The following DARS2 variants were observed in gnomAD, a reference collection of about 807,000 sequenced individuals.
The protein encoded by DARS2 is aspartyl-tRNA synthetase 2, mitochondrial, also known as aspartate--tRNA ligase, mitochondrial.
In DARS2, 63 loss-of-function variants were observed where a neutral mutation model predicts 83.0. That is an observed-to-expected ratio of 0.76 (90% CI 0.62 to 0.94). The LOEUF (loss-of-function observed/expected upper bound fraction) is 0.94, where lower values mean the gene tolerates loss of function less well. Among genes scored for constraint, DARS2 ranks in the 40% least tolerant of loss-of-function variants. The probability of loss-of-function intolerance (pLI) is 0.00; values close to 1 mark genes in which losing one functional copy is unlikely to be tolerated. For synonymous variants in DARS2, 250 were observed against 269.3 expected, an observed-to-expected ratio of 0.93 and a Z score of 0.70; for missense variants, 675 against 774.4, an observed-to-expected ratio of 0.87 and a Z score of 1.52.
intron 11 of DARS2, 69 bp downstream of exon 11, chr1:173,841,042 A>G (rs577844078): frequency 1.0e-6 from 1 of 956,542 alleles, no homozygotes; most frequent in Non-Finnish European, 1.7e-6. Flanking sequence ...CAATACTGTC[A>G]TATTTAAACT....
At chr1:173,846,410 C>CTTG (rs1325647884) in intron 12 of DARS2, among the ~76,000 whole-genome samples, 1 of 151,990 alleles carries the variant, frequency 6.6e-6, no homozygotes, top group African/African-American at 2.4e-5. Flanking sequence ...AGGAGAATCA[C>CTTG]AAGCCCAGGA....
chr1:173,829,036 A>G (rs1446454176), intron 3 of DARS2, among the ~76,000 whole-genome samples: 2 of 152,226 alleles, frequency 1.3e-5, no homozygotes, highest in African/African-American at 4.8e-5. Context: ...CAGCCGTACA[A>G]AAAAGAATGA....
chr1:173,832,670 G>T (rs1652836127), intron 5 of DARS2, among the ~76,000 whole-genome samples: 1 of 151,410 alleles, frequency 6.6e-6, no homozygotes, highest in South Asian at 2.1e-4. Flanking sequence ...TCGGGAGGCT[G>T]AGGCAGGAGA....
chr1:173,843,017 T>C (rs954154954), intron 11 of DARS2, among the ~76,000 whole-genome samples: 1 of 152,064 alleles, frequency 6.6e-6, no homozygotes, highest in Non-Finnish European at 1.5e-5. Context: ...AAGCTCAGTA[T>C]GATATTTTGC....
chr1:173,846,466 T>G (rs539999388), intron 12 of DARS2, among the ~76,000 whole-genome samples: 10 of 152,070 alleles, frequency 6.6e-5, no homozygotes, highest in Admixed American at 6.6e-4. Context: ...CATTCTTGCC[T>G]GGGTGACAGA....
rs1653169131 is a variant in DARS2, at chr1:173,840,686, G to A, written c.1021-180G>A. Among the ~76,000 whole-genome samples, 3 of 152,190 alleles carry A rather than the reference G, an allele frequency of 2.0e-5. No individual in the cohort carries two copies. In the South Asian group the frequency reaches 6.2e-4, roughly 31 times the overall value. On this transcript the variant is annotated intron_variant, in intron 10 of 16. Coordinates refer to ENST00000649689, the MANE Select transcript of DARS2 (RefSeq NM_018122.5). ...AAAGAGTGCTAACCTCATATGAAATGAATGAGTATATGTAAAACACTGGTC... is the reference window on the plus strand; with the variant it reads ...AAAGAGTGCTAACCTCATATGAAATAAATGAGTATATGTAAAACACTGGTC...
In DARS2 at chr1:173,825,227, A is replaced by G; in HGVS notation, c.-3A>G. 3 of 1,611,886 alleles carry G rather than the reference A, an allele frequency of 1.9e-6. No homozygotes were observed. The highest frequency in any genetic ancestry group is 2.5e-6 in the Non-Finnish European group (3 of 1,178,634). ...TTGTTTTTCGCCATCGTGTGGCTCCAACATGTACTTCCCTTCTTGGTTAAG... is the reference window on the plus strand; with the variant it reads ...TTGTTTTTCGCCATCGTGTGGCTCCGACATGTACTTCCCTTCTTGGTTAAG... On this transcript the variant is annotated 5_prime_UTR_variant, in exon 1 of 17. Transcript: ENST00000649689.
At chr1:173,826,840 T>G (rs1652602553) in intron 2 of DARS2, 54 bp downstream of exon 2, 1 of 1,277,738 alleles carries the variant, frequency 7.8e-7, no homozygotes. Context: ...CCCAGGGCAA[T>G]TCCAAACCTT....
At chr1:173,856,255 T>C (rs935092452) in intron 15 of DARS2, among the ~76,000 whole-genome samples, 1 of 152,218 alleles carries the variant, frequency 6.6e-6, no homozygotes, top group Non-Finnish European at 1.5e-5. Context: ...TGGCCTGTTC[T>C]TGGCCCTTAA....
At chr1:173,828,421 TTATC>T in intron 3 of DARS2, 22 bp downstream of exon 3, 1 of 1,607,096 alleles carries the variant, frequency 6.2e-7, no homozygotes, top group Non-Finnish European at 8.5e-7. Flanking sequence ...TTTCCTGTTA[TTATC>T]TAAAAGCTTC....
intron 7 of DARS2, among the ~76,000 whole-genome samples, chr1:173,836,718 A>G (rs1197443686): frequency 6.6e-6 from 1 of 152,200 alleles, no homozygotes; most frequent in Admixed American, 6.5e-5. Context: ...CGCAAGCATA[A>G]ACTTAACACC....
intron 11 of DARS2, among the ~76,000 whole-genome samples, chr1:173,844,312 G>A (rs1462723201): frequency 6.6e-6 from 1 of 152,016 alleles, no homozygotes; most frequent in African/African-American, 2.4e-5. Flanking sequence ...CATTCATGTT[G>A]AACATTTATC....
At position 173,839,683 on chromosome 1, in the gene DARS2, C is replaced by G; in HGVS notation, c.1020+137C>G. 5.1e-6 allele frequency: 4 copies of G among 777,154 alleles called. No homozygotes were observed. The Admixed American group carries it at 6.4e-5, about 13-fold the overall frequency. 48.1% of individuals were successfully genotyped at this position (777,154 alleles called of 1,614,324 possible). A position where few individuals can be genotyped will look rare whatever the true frequency, so the allele number is the denominator to read the frequency against. On this transcript the variant is annotated intron_variant, in intron 10 of 16. Coordinates refer to ENST00000649689, the MANE Select transcript of DARS2 (RefSeq NM_018122.5). ...CCTTGTTACCTTCGTTGTTACAGAG[C>G]TAGAGCAAGAGAGAATAATAGCATG...
intron 15 of DARS2, among the ~76,000 whole-genome samples, chr1:173,854,399 AAAT>A (rs1489635199): frequency 6.6e-6 from 1 of 152,230 alleles, no homozygotes; most frequent in Admixed American, 6.5e-5. Context: ...TATTAAAAGT[AAAT>A]AATAATATTA....
At chr1:173,833,815 A>G (rs1652881498) in intron 6 of DARS2, among the ~76,000 whole-genome samples, 1 of 151,250 alleles carries the variant, frequency 6.6e-6, no homozygotes, top group African/African-American at 2.4e-5. Flanking sequence ...GCTAGAATGC[A>G]GTGGCATTAC....
chr1:173,828,314 C>A lies in DARS2; in HGVS notation c.228-19C>A. On this transcript the variant is annotated intron_variant, in intron 2 of 16. Coordinates refer to ENST00000649689, the MANE Select transcript of DARS2 (RefSeq NM_018122.5). The stretch of plus-strand genomic sequence containing the variant: ...GATTTTATCTTAAAATGTTTCTTTT[C>A]CCCCCCCCCATTAATCAGGCAAAAC... 5 of 541,774 alleles carry A rather than the reference C, an allele frequency of 9.2e-6. No homozygotes were observed. The highest frequency in any genetic ancestry group is 1.5e-5 in the Non-Finnish European group (5 of 330,432). The allele number at this position is 541,774 out of a possible 1,614,324, so 33.6% of individuals were successfully genotyped here.
intron 12 of DARS2, among the ~76,000 whole-genome samples, chr1:173,849,531 C>CA (rs574319538): frequency 0.057 from 4,213 of 73,678 alleles, 242 homozygotes; most frequent in African/African-American, 0.15. Flanking sequence ...GACTCCATCT[C>CA]AAAAAAAAAA....
At chr1:173,840,996 T>C (rs1214641069) in intron 11 of DARS2, 23 bp downstream of exon 11, 5 of 1,347,390 alleles carry the variant, frequency 3.7e-6, no homozygotes, top group Non-Finnish European at 5.3e-6. Flanking sequence ...CAGTTCTATG[T>C]TTCTCTAGAA....
At chr1:173,857,036 G>T (rs964181187) in intron 16 of DARS2, among the ~76,000 whole-genome samples, 5 of 152,196 alleles carry the variant, frequency 3.3e-5, no homozygotes, top group African/African-American at 1.2e-4. Context: ...AGTCTGGAAA[G>T]CACTGCTCCA....
Sources: allele counts gnomAD v4.1 joint callset (sites outside exome capture counted in the v4.1 genomes callset), GRCh38; gene constraint gnomAD v4.1.1; transcripts MANE v1.5; gene names NCBI Gene and HGNC (gene_info 2026-07-23, HGNC 2026-07-21).